Variants in TFB1M observed in about 807,000 individuals in gnomAD.
TFB1M encodes dimethyladenosine transferase 1, mitochondrial.
A neutral mutation model predicts 31.1 loss-of-function variants in TFB1M; 27 were observed. The ratio of observed to expected loss-of-function variants is 0.87; its 90% CI spans 0.64 to 1.20. TFB1M has a LOEUF of 1.20. TFB1M is among the 50% of genes most tolerant of loss of function. The pLI, the probability that TFB1M is intolerant of heterozygous loss-of-function variation, is 0.00. For missense variants in TFB1M, 394 were observed against 418.7 expected (o/e 0.94, Z 0.51); for synonymous variants, 166 against 151.8 (o/e 1.09, Z -0.69).
chr6:155,232,586 C>A, the TFB1M span: 1 of 152,228 alleles, frequency 6.6e-6, no homozygotes, highest in African/African-American at 2.4e-5. Flanking sequence ...TGACTGATGT[C>A]CTGGTTTGGG....
In TFB1M at chr6:155,256,941, C is replaced by T. The variant is rs139875461; in HGVS notation, c.*895G>A. The T allele has an allele frequency of 3.1e-6, 5 of 1,614,022 alleles. No homozygotes were observed. Among genetic ancestry groups the T allele is most frequent in the East Asian group, 2.2e-5 (1 of 44,876 alleles). On this transcript the variant is annotated 3_prime_UTR_variant, in exon 7 of 7. Transcript: ENST00000367166. ...CCATTAAACGAAAAGCCAACAGCAC[C>T]AAGAGGGACAGAGGAACTTTGCTCA...
intron 2 of TFB1M, among the ~76,000 whole-genome samples, chr6:155,300,290 T>C (rs1409746015): frequency 2.0e-5 from 3 of 152,220 alleles, no homozygotes; most frequent in Admixed American, 6.5e-5. Context: ...TTAGCCATGG[T>C]AGTTTAGCAA....
chr6:155,276,370 T>C, intron 5 of TFB1M: 1 of 1,612,496 alleles, frequency 6.2e-7, no homozygotes, highest in Non-Finnish European at 8.5e-7. Context: ...ATCTGAAGGA[T>C]TATGTGTAAA....
chr6:155,291,687 C>A (rs1212180690), intron 4 of TFB1M, among the ~76,000 whole-genome samples: 1 of 152,180 alleles, frequency 6.6e-6, no homozygotes, highest in Non-Finnish European at 1.5e-5. Flanking sequence ...TGCTTCCCAG[C>A]ATCCCTAACC....
chr6:155,251,893 T>C, downstream of TFB1M: 1 of 1,438,038 alleles, frequency 7.0e-7, no homozygotes, highest in Non-Finnish European at 9.7e-7. Context: ...TAGTTTAACC[T>C]TGGAAGAGTT....
intron 5 of TFB1M, among the ~76,000 whole-genome samples, chr6:155,283,757 T>C (rs1012801318): frequency 2.0e-5 from 3 of 152,250 alleles, no homozygotes; most frequent in African/African-American, 7.2e-5. Context: ...ATCTTGGTTT[T>C]TGATATAATG....
intron 5 of TFB1M, among the ~76,000 whole-genome samples, chr6:155,267,922 C>T (rs1784737181): frequency 6.6e-6 from 1 of 152,184 alleles, no homozygotes; most frequent in South Asian, 2.1e-4. Flanking sequence ...ATAGTTTAGT[C>T]TACTGTTAGA....
chr6:155,313,215 C>G (rs982136199), intron 1 of TFB1M: 1 of 151,218 alleles, frequency 6.6e-6, no homozygotes, highest in Admixed American at 6.6e-5. Context: ...CCATTGCACT[C>G]CAGCTTGGGC....
chr6:155,289,964 G>T (rs920595978), intron 4 of TFB1M, among the ~76,000 whole-genome samples: 40 of 152,170 alleles, frequency 2.6e-4, no homozygotes, highest in African/African-American at 9.2e-4. Flanking sequence ...CTTCTGCCAT[G>T]ATTATAAGTT....
intron 5 of TFB1M, among the ~76,000 whole-genome samples, chr6:155,269,997 G>A (rs1311349266): frequency 6.6e-6 from 1 of 152,254 alleles, no homozygotes; most frequent in East Asian, 1.9e-4. Context: ...TTCTACCTCA[G>A]AGGTCTTGCG....
chr6:155,254,722 T>C, downstream of TFB1M: 1 of 1,008,010 alleles, frequency 9.9e-7, no homozygotes, highest in East Asian at 2.6e-5. Context: ...ACATGCCTCT[T>C]GCTCCCAGAC....
chr6:155,245,887 G>A, the TFB1M span, among the ~76,000 whole-genome samples: 1 of 151,744 alleles, frequency 6.6e-6, no homozygotes, highest in African/African-American at 2.4e-5. Flanking sequence ...AAAGGGAAAG[G>A]TTTCTGTTTC....
chr6:155,295,585 T>G (rs962011096), intron 4 of TFB1M, among the ~76,000 whole-genome samples: 1 of 152,078 alleles, frequency 6.6e-6, no homozygotes, highest in Admixed American at 6.5e-5. Flanking sequence ...GTTCCCTTTA[T>G]TAAGTCATCC....
intron 4 of TFB1M, among the ~76,000 whole-genome samples, chr6:155,290,269 C>T (rs934814738): frequency 1.3e-5 from 2 of 151,522 alleles, no homozygotes; most frequent in Non-Finnish European, 2.9e-5. Context: ...GCCTGTAGTC[C>T]CAGCTACTTG....
chr6:155,296,089 C>A (rs1376487226), intron 4 of TFB1M, among the ~76,000 whole-genome samples: 1 of 152,074 alleles, frequency 6.6e-6, no homozygotes, highest in Non-Finnish European at 1.5e-5. Flanking sequence ...CAAGCACCAC[C>A]CCTGCTTACC....
chr6:155,263,008 A>T (rs1265293222), intron 5 of TFB1M, among the ~76,000 whole-genome samples: 1 of 152,194 alleles, frequency 6.6e-6, no homozygotes, highest in Non-Finnish European at 1.5e-5. Context: ...AAATGCAGTT[A>T]CTATTTAGTG....
At position 155,314,325 on chromosome 6, in the gene TFB1M, TG is replaced by T; in HGVS notation, c.103del (p.Gln35ArgfsTer7). 1 of 1,614,238 alleles carries T rather than the reference TG, an allele frequency of 6.2e-7. No individual in the cohort carries two copies. The highest frequency in any genetic ancestry group is 8.5e-7 in the Non-Finnish European group (1 of 1,180,038). On this transcript the variant is annotated frameshift_variant, in exon 1 of 7. Coordinates refer to ENST00000367166, the MANE Select transcript of TFB1M (RefSeq NM_016020.4). LOFTEE classifies it high-confidence loss of function. Reference sequence around the variant, plus strand: ...CAGCCTCAAGTCCAGGAGGAAATTCTGTGATAGCTGCTTCGCTGCTTGCAGT... The same window carrying T: ...CAGCCTCAAGTCCAGGAGGAAATTCTTGATAGCTGCTTCGCTGCTTGCAGT... ...LRLQAAKQLS[Q>X]NFLLDLRLTD...
chr6:155,290,791 G>A (rs189822268), intron 4 of TFB1M, among the ~76,000 whole-genome samples: 7 of 152,102 alleles, frequency 4.6e-5, no homozygotes, highest in South Asian at 4.2e-4. Flanking sequence ...TAATCATGTC[G>A]GCTGAGAAAA....
intron 5 of TFB1M, among the ~76,000 whole-genome samples, chr6:155,283,382 A>G (rs988110510): frequency 2.6e-5 from 4 of 152,242 alleles, no homozygotes; most frequent in African/African-American, 9.6e-5. Flanking sequence ...TAATAAAAAA[A>G]GTGAAGTAAA....
Sources: gnomAD v4.1 joint callset for allele counts (sites outside exome capture counted in the v4.1 genomes callset) on GRCh38, gnomAD v4.1.1 for gene constraint, MANE v1.5 for transcripts, NCBI Gene and HGNC (gene_info 2026-07-23, HGNC 2026-07-21) for gene names.